The following SHROOM3 variants were observed in gnomAD, a reference collection of about 807,000 sequenced individuals.
The protein encoded by SHROOM3 is protein Shroom3.
Under a neutral mutation model 138.6 loss-of-function variants are expected in SHROOM3, and 47 were observed. The observed-to-expected ratio is 0.34, with a 90% CI of 0.27 to 0.43. The LOEUF (loss-of-function observed/expected upper bound fraction) is 0.43, where lower values mean the gene tolerates loss of function less well. Ranked by LOEUF, SHROOM3 falls within the 20% of genes least tolerant of loss-of-function variation. The pLI, the probability that SHROOM3 is intolerant of heterozygous loss-of-function variation, is 1.00. For missense variants in SHROOM3, 2,491 were observed against 2,596.5 expected (o/e 0.96, Z 0.88); for synonymous variants, 1,062 against 1,063.3 (o/e 1.00, Z 0.02).
At chr4:76,687,787 A>G (rs780962094) in intron 2 of SHROOM3, among the ~76,000 whole-genome samples, 3 of 152,166 alleles carry the variant, frequency 2.0e-5, no homozygotes, top group Non-Finnish European at 2.9e-5. Context: ...TGAGATTTGG[A>G]CCCAAACTGT....
At chr4:76,676,053 A>G (rs1247474626) in intron 2 of SHROOM3, among the ~76,000 whole-genome samples, 3 of 152,230 alleles carry the variant, frequency 2.0e-5, no homozygotes. Flanking sequence ...CAATAAATGG[A>G]AGTTGTTGTC....
At chr4:76,774,770 T>C (rs116744869) in intron 10 of SHROOM3, among the ~76,000 whole-genome samples, 2,524 of 150,836 alleles carry the variant, frequency 0.017, 32 homozygotes, top group Non-Finnish European at 0.024. Flanking sequence ...AGGAAACTTA[T>C]GCCAATAAGC....
At chr4:76,562,581 G>T (rs868419839) in intron 2 of SHROOM3, among the ~76,000 whole-genome samples, 2 of 152,308 alleles carry the variant, frequency 1.3e-5, no homozygotes, top group Middle Eastern at 6.8e-3. Context: ...GTGCAAATCA[G>T]TGCCTTTTCC....
chr4:76,632,209 A>G (rs971166189), intron 2 of SHROOM3, among the ~76,000 whole-genome samples: 3 of 152,158 alleles, frequency 2.0e-5, no homozygotes, highest in African/African-American at 7.2e-5. Flanking sequence ...AATCTGAGGG[A>G]GAGAGAGAGC....
chr4:76,546,954 T>C (rs1426926248), intron 1 of SHROOM3, among the ~76,000 whole-genome samples: 2 of 152,248 alleles, frequency 1.3e-5, no homozygotes, highest in African/African-American at 4.8e-5. Context: ...TTAATGTTAA[T>C]TAAAACTCCA....
At chr4:76,480,257 G>A (rs1024306825) in intron 1 of SHROOM3, among the ~76,000 whole-genome samples, 1 of 152,142 alleles carries the variant, frequency 6.6e-6, no homozygotes, top group African/African-American at 2.4e-5. Context: ...CATGTGCAAA[G>A]ACACACATAA....
Position 76,436,234 on chromosome 4 carries a change from T to A in SHROOM3, c.168+14T>A. The A allele has an allele frequency of 6.2e-7, 1 of 1,613,740 alleles. No homozygotes were observed. Among genetic ancestry groups the A allele is most frequent in the Non-Finnish European group, 8.5e-7 (1 of 1,179,764 alleles). On this transcript the variant is annotated intron_variant, in intron 1 of 10. Coordinates refer to ENST00000296043, the MANE Select transcript of SHROOM3 (RefSeq NM_020859.4). Reference sequence around the variant, plus strand: ...ATCATCTCTAAGGTATGTTTCTTTTTCCAATATTGCCTTTATTCAAATTGT... The same window carrying A: ...ATCATCTCTAAGGTATGTTTCTTTTACCAATATTGCCTTTATTCAAATTGT...
intron 1 of SHROOM3, among the ~76,000 whole-genome samples, chr4:76,514,383 G>A (rs1732401897): frequency 6.6e-6 from 1 of 152,102 alleles, no homozygotes; most frequent in African/African-American, 2.4e-5. Context: ...CTGAAAGAAG[G>A]CAGACACCAA....
At chr4:76,615,013 G>A in intron 2 of SHROOM3, among the ~76,000 whole-genome samples, 1 of 152,180 alleles carries the variant, frequency 6.6e-6, no homozygotes, top group Non-Finnish European at 1.5e-5. Context: ...TGGGAAAAAT[G>A]ACTGTTGCCC....
At chr4:76,632,765 T>C (rs1281778609) in intron 2 of SHROOM3, among the ~76,000 whole-genome samples, 1 of 152,172 alleles carries the variant, frequency 6.6e-6, no homozygotes, top group East Asian at 1.9e-4. Context: ...CTAATACATA[T>C]TCCTAGGAAA....
rs1190861897 is a variant in SHROOM3, at chr4:76,739,343, C to T, written c.1170C>T (p.Asp390=). The T allele has an allele frequency of 1.2e-6, 2 of 1,614,038 alleles. No homozygotes were observed. Among genetic ancestry groups the T allele is most frequent in the East Asian group, 2.2e-5 (1 of 44,882 alleles). Residue 390 remains aspartate (D), a synonymous_variant, in exon 5 of 11, where the codon GAC becomes GAT. Coordinates refer to ENST00000296043, the MANE Select transcript of SHROOM3 (RefSeq NM_020859.4). The part of the protein sequence containing the change: ...VGAPLPPARS[D]SYAAFRHRER... ...CACCCCTGCCTCCAGCTCGGAGTGA[C>T]AGTTACGCAGCATTTCGGCACCGTG...
Position 76,759,548 on chromosome 4 carries a change from T to C in SHROOM3, c.5202T>C (p.Asn1734=). The change falls in exon 9 of 11, where the codon AAT becomes AAC. Residue 1734 remains asparagine, a synonymous_variant. Coordinates refer to ENST00000296043, the MANE Select transcript of SHROOM3 (RefSeq NM_020859.4). ...CTTTGTGCTCTTTTTGGCCCAGGAA[T>C]GAAGACAAGGAAGCAGTGAGCATGT... ...VSSSGCEGKR[N]EDKEAVSMLV... 6.2e-7 allele frequency: 1 copy of C among 1,614,070 alleles called. No individual in the cohort carries two copies.
chr4:76,667,254 C>T (rs994915192), intron 2 of SHROOM3, among the ~76,000 whole-genome samples: 2 of 152,134 alleles, frequency 1.3e-5, no homozygotes, highest in Non-Finnish European at 1.5e-5. Flanking sequence ...CTTAATGCCC[C>T]TGGACTGTAC....
chr4:76,744,165 A>ATACTT (rs1315335360), intron 5 of SHROOM3, among the ~76,000 whole-genome samples: 1 of 152,226 alleles, frequency 6.6e-6, no homozygotes, highest in Non-Finnish European at 1.5e-5. Context: ...TCCCAATTAA[A>ATACTT]TACTTTGTAT....
intron 10 of SHROOM3, among the ~76,000 whole-genome samples, chr4:76,772,202 C>T (rs1203773823): frequency 6.7e-6 from 1 of 149,838 alleles, no homozygotes; most frequent in Non-Finnish European, 1.5e-5. Flanking sequence ...CTCCCGTATT[C>T]ATGCCATTCT....
chr4:76,713,993 C>G (rs1426998050), intron 3 of SHROOM3, among the ~76,000 whole-genome samples: 1 of 152,154 alleles, frequency 6.6e-6, no homozygotes, highest in African/African-American at 2.4e-5. Context: ...CGCTCAGATC[C>G]TACATCCTGT....
At chr4:76,504,302 G>T (rs937778625) in intron 1 of SHROOM3, among the ~76,000 whole-genome samples, 2 of 152,058 alleles carry the variant, frequency 1.3e-5, no homozygotes, top group Non-Finnish European at 2.9e-5. Context: ...TGGATTACAG[G>T]CATGCGCCAC....
intron 2 of SHROOM3, among the ~76,000 whole-genome samples, chr4:76,661,090 C>T (rs1736174503): frequency 6.6e-6 from 1 of 152,126 alleles, no homozygotes; most frequent in South Asian, 2.1e-4. Context: ...AGCCACTGTA[C>T]CTGGCTTAAT....
intron 2 of SHROOM3, among the ~76,000 whole-genome samples, chr4:76,562,569 T>C (rs1345611354): frequency 1.3e-5 from 2 of 152,232 alleles, no homozygotes; most frequent in Non-Finnish European, 2.9e-5. Flanking sequence ...ATAAAAAGGG[T>C]TGTGCAAATC....
Sources: allele counts gnomAD v4.1 joint callset (sites outside exome capture counted in the v4.1 genomes callset), GRCh38; gene constraint gnomAD v4.1.1; transcripts MANE v1.5; gene names NCBI Gene and HGNC (gene_info 2026-07-23, HGNC 2026-07-21).